TAF12: variants seen among roughly 807,000 people sequenced by gnomAD.
TAF12 encodes TATA-box binding protein associated factor 12, also known as transcription initiation factor TFIID subunit 12.
TAF12 carries 3 observed loss-of-function variants against 20.8 expected under a neutral mutation model. The ratio of observed to expected loss-of-function variants is 0.14; its 90% CI spans 0.07 to 0.37. The LOEUF is 0.37. TAF12 is among the 10% of genes least tolerant of loss of function. The pLI, the probability that TAF12 is intolerant of heterozygous loss-of-function variation, is 1.00. For missense variants in TAF12, 131 were observed against 197.9 expected (o/e 0.66, Z 2.03); for synonymous variants, 69 against 70.2 (o/e 0.98, Z 0.09).
At chr1:28,626,290 T>A (rs1667388892) in intron 1 of TAF12, among the ~76,000 whole-genome samples, 2 of 151,904 alleles carry the variant, frequency 1.3e-5, no homozygotes, top group African/African-American at 4.8e-5. Context: ...AGCCTAAATT[T>A]TTTTTAGGGC....
chr1:28,614,192 C>T lies in TAF12; in HGVS notation c.247-831G>A, dbSNP rs4252987. Among the ~76,000 whole-genome samples, 518 of 151,804 alleles carry T rather than the reference C, an allele frequency of 3.4e-3. 1 individual carries two copies. The highest frequency in any genetic ancestry group is 0.012 in the African/African-American group (489 of 41,400). ...GGCGGAGGTTGCAGTGAGCTAAGAT[C>T]GTGACACTGTACTCCAGCCTGGCGA... On this transcript the variant is annotated intron_variant, in intron 3 of 5. Coordinates refer to ENST00000373824, the MANE Select transcript of TAF12 (RefSeq NM_005644.4).
At position 28,635,780 on chromosome 1, in the gene TAF12, C is replaced by A. The variant is rs145824437; in HGVS notation, c.-85+7212G>T. Among the ~76,000 whole-genome samples the A allele has an allele frequency of 1.8e-4, 27 of 151,570 alleles. No individual in the cohort carries two copies. The East Asian group carries it at 4.5e-3, about 25-fold the overall frequency. On this transcript the variant is annotated intron_variant, in intron 1 of 5. Coordinates refer to ENST00000373824, the MANE Select transcript of TAF12 (RefSeq NM_005644.4). The stretch of plus-strand genomic sequence containing the variant: ...GGAGACCTTGGCAATAGTTGTAAGA[C>A]CCTGGTATTCTCTGTGCATCTATTC...
At position 28,642,489 on chromosome 1, in the gene TAF12, T is replaced by C. The variant is rs4252961; in HGVS notation, c.-85+503A>G. Reference sequence around the variant, plus strand: ...CCCGTCCCCAAAGAAGCCCCAGTCTTCACTGCCCGCTTCTGTTCCCTTCCA... The same window carrying C: ...CCCGTCCCCAAAGAAGCCCCAGTCTCCACTGCCCGCTTCTGTTCCCTTCCA... On this transcript the variant is annotated intron_variant, in intron 1 of 5. Coordinates refer to ENST00000373824, the MANE Select transcript of TAF12 (RefSeq NM_005644.4). 7.1e-3 allele frequency among the ~76,000 whole-genome samples: 1,073 copies of C among 152,174 alleles called. 5 individuals are homozygous for C. The highest frequency in any genetic ancestry group is 0.024 in the African/African-American group (1,006 of 41,520).
Position 28,622,103 on chromosome 1 carries a change from C to T in TAF12, c.-22G>A. On this transcript the variant is annotated 5_prime_UTR_variant, in exon 2 of 6. It removes the in-frame stop codon of an upstream open reading frame in the 5' UTR. Transcript: ENST00000373824. ...TCATAATCTGCCGAGCTTTGGACTT[C>T]AGCTCATAGAGCTTATCGAGATCCT... 6.2e-7 allele frequency: 1 copy of T among 1,605,714 alleles called. No homozygotes were observed. Among genetic ancestry groups the T allele is most frequent in the East Asian group, 2.2e-5 (1 of 44,784 alleles).
At chr1:28,610,999 T>C (rs1487739758) in intron 4 of TAF12, among the ~76,000 whole-genome samples, 4 of 148,504 alleles carry the variant, frequency 2.7e-5, no homozygotes, top group Non-Finnish European at 4.5e-5. Context: ...GTGGAGTCTG[T>C]GTTCCCTCCC....
At chr1:28,632,234 T>G (rs1667655069) in intron 1 of TAF12, among the ~76,000 whole-genome samples, 1 of 152,146 alleles carries the variant, frequency 6.6e-6, no homozygotes, top group African/African-American at 2.4e-5. Context: ...GGTCAGGAGT[T>G]TGAGACCAGC....
At chr1:28,627,572 A>C (rs945047156) in intron 1 of TAF12, among the ~76,000 whole-genome samples, 27 of 148,228 alleles carry the variant, frequency 1.8e-4, no homozygotes, top group Non-Finnish European at 3.0e-4. Context: ...GGGCACCTGC[A>C]GTCCCAGCTA....
At chr1:28,641,012 G>A (rs1444935349) in intron 1 of TAF12, among the ~76,000 whole-genome samples, 2 of 151,796 alleles carry the variant, frequency 1.3e-5, no homozygotes, top group Admixed American at 1.3e-4. Context: ...AGGTTGCAGT[G>A]AACTATGATT....
intron 1 of TAF12, among the ~76,000 whole-genome samples, chr1:28,638,949 C>T (rs1222227123): frequency 6.6e-6 from 1 of 151,580 alleles, no homozygotes; most frequent in South Asian, 2.1e-4. Context: ...CCGTGCCCAG[C>T]TAATTTTTTT....
At chr1:28,614,809 A>G (rs1480863350) in intron 3 of TAF12, among the ~76,000 whole-genome samples, 2 of 152,154 alleles carry the variant, frequency 1.3e-5, no homozygotes, top group Admixed American at 6.6e-5. Flanking sequence ...AATTCTGAAG[A>G]TAAAAATCTA....
chr1:28,643,212 G>T, upstream of TAF12: 1 of 665,590 alleles, frequency 1.5e-6, no homozygotes, highest in Non-Finnish European at 1.9e-6. Context: ...GCTGTGTGTA[G>T]GTACACCCTG....
upstream of TAF12, among the ~76,000 whole-genome samples, chr1:28,647,702 G>A (rs1033261553): frequency 2.0e-5 from 3 of 152,046 alleles, no homozygotes; most frequent in African/African-American, 2.4e-5. Flanking sequence ...TGAAACCCCC[G>A]TCTCTACTAA....
At chr1:28,639,241 AC>A (rs1667954226) in intron 1 of TAF12, among the ~76,000 whole-genome samples, 1 of 149,692 alleles carries the variant, frequency 6.7e-6, no homozygotes, top group Non-Finnish European at 1.5e-5. Flanking sequence ...ACATGGTGAA[AC>A]CCGTCTCTAC....
intron 1 of TAF12, among the ~76,000 whole-genome samples, chr1:28,641,120 G>A (rs1009437519): frequency 1.3e-5 from 2 of 151,970 alleles, no homozygotes; most frequent in Non-Finnish European, 2.9e-5. Context: ...GACATTTACT[G>A]TATTAATGTC....
chr1:28,614,196 ACACTGTACT>A (rs1325847672), intron 3 of TAF12, among the ~76,000 whole-genome samples: 1 of 151,968 alleles, frequency 6.6e-6, no homozygotes, highest in Non-Finnish European at 1.5e-5. Flanking sequence ...TAAGATCGTG[ACACTGTACT>A]CCAGCCTGGC....
At chr1:28,625,161 G>A (rs772869896) in intron 1 of TAF12, among the ~76,000 whole-genome samples, 1 of 152,138 alleles carries the variant, frequency 6.6e-6, no homozygotes, top group Non-Finnish European at 1.5e-5. Context: ...ACCTTCAAGG[G>A]ACTTCCCAAA....
At chr1:28,626,277 C>T (rs998946714) in intron 1 of TAF12, among the ~76,000 whole-genome samples, 2 of 151,920 alleles carry the variant, frequency 1.3e-5, no homozygotes, top group Non-Finnish European at 2.9e-5. Flanking sequence ...CGCGCCCGGC[C>T]TCAGCCTAAA....
intron 1 of TAF12, among the ~76,000 whole-genome samples, chr1:28,638,054 G>A (rs1378281560): frequency 6.6e-6 from 1 of 152,032 alleles, no homozygotes; most frequent in East Asian, 1.9e-4. Flanking sequence ...AGGCTGGAGT[G>A]CAGTGGCACA....
At chr1:28,615,678 C>CAAAAAAAAAAAAA (rs57536422) in intron 3 of TAF12, among the ~76,000 whole-genome samples, 3 of 34,494 alleles carry the variant, frequency 8.7e-5, no homozygotes, top group African/African-American at 3.9e-4. Flanking sequence ...GACTCCGTCT[C>CAAAAAAAAAAAAA]AAAAAAAAAA....
Sources: allele counts gnomAD v4.1 joint callset (sites outside exome capture counted in the v4.1 genomes callset), GRCh38; gene constraint gnomAD v4.1.1; transcripts MANE v1.5; gene names NCBI Gene and HGNC (gene_info 2026-07-23, HGNC 2026-07-21).